Variants in DAOA observed in about 807,000 individuals in gnomAD.
DAOA encodes D-amino acid oxidase regulator.
DAOA carries 15 observed loss-of-function variants against 16.4 expected under a neutral mutation model. The ratio of observed to expected loss-of-function variants is 0.91; its 90% confidence interval spans 0.61 to 1.41. The LOEUF (loss-of-function observed/expected upper bound fraction) is 1.41. Among genes scored for constraint, DAOA ranks in the 40% most tolerant of loss-of-function variants. The pLI, the probability that DAOA is intolerant of heterozygous loss-of-function variation, is 0.00. For synonymous variants in DAOA, 75 were observed against 59.1 expected (o/e 1.27, Z -1.23); for missense variants, 230 against 176.8 (o/e 1.30, Z -1.71).
chr13:105,490,131 T>A lies in DAOA; in HGVS notation c.*50T>A, dbSNP rs764939690. On this transcript the variant is annotated 3_prime_UTR_variant, in exon 5 of 6. Coordinates refer to ENST00000375936, the MANE Select transcript of DAOA (RefSeq NM_172370.5). ...CAATCCTTCTGATGACAATGTAGTCTGGCCAACATCTTCACTGGACTCTGA... is the reference window on the plus strand; with the variant it reads ...CAATCCTTCTGATGACAATGTAGTCAGGCCAACATCTTCACTGGACTCTGA... 1 of 1,516,984 alleles carries A rather than the reference T, an allele frequency of 6.6e-7. No individual in the cohort carries two copies. The highest frequency in any genetic ancestry group is 1.3e-5 in the South Asian group (1 of 79,320). 94.0% of individuals were successfully genotyped at this position (1,516,984 alleles called of 1,614,324 possible). A position where few individuals can be genotyped will look rare whatever the true frequency, so the allele number is the denominator to read the frequency against.
chr13:105,482,583 C>G (rs1183533653), intron 4 of DAOA, among the ~76,000 whole-genome samples: 1 of 151,046 alleles, frequency 6.6e-6, no homozygotes, highest in Non-Finnish European at 1.5e-5. Context: ...GATCACGGCT[C>G]ACTGCAACCT....
chr13:105,488,302 C>T (rs1241981593), intron 4 of DAOA, among the ~76,000 whole-genome samples: 7 of 152,150 alleles, frequency 4.6e-5, no homozygotes, highest in Admixed American at 4.6e-4. Context: ...AAGGAAATAA[C>T]ACAGTATCTA....
intron 4 of DAOA, chr13:105,475,093 C>A: frequency 1.0e-6 from 1 of 952,784 alleles, no homozygotes; most frequent in Non-Finnish European, 1.3e-6. Flanking sequence ...AGCTGCATAC[C>A]CCTAGTGAGA....
chr13:105,480,527 C>CACAG (rs1555306726), intron 4 of DAOA, among the ~76,000 whole-genome samples: 1 of 146,640 alleles, frequency 6.8e-6, no homozygotes, highest in Admixed American at 6.9e-5. Flanking sequence ...TGGATAGATA[C>CACAG]ATAGATAGAT....
In DAOA at chr13:105,466,230, A is replaced by T; in HGVS notation, c.-59A>T. The T allele has an allele frequency of 6.2e-7, 1 of 1,612,082 alleles. No homozygotes were observed. The highest frequency in any genetic ancestry group is 8.5e-7 in the Non-Finnish European group (1 of 1,178,936). On this transcript the variant is annotated 5_prime_UTR_variant, in exon 2 of 6. The change abolishes an upstream ATG in the 5' untranslated region. Transcript: ENST00000375936. Reference sequence around the variant, plus strand: ...TGTTGGTCCAGGATTTGGAAAGGGCATGGCAGGAGGTCTCATCTCTGCTTC... The same window carrying T: ...TGTTGGTCCAGGATTTGGAAAGGGCTTGGCAGGAGGTCTCATCTCTGCTTC...
At chr13:105,471,468 T>C (rs1876951368) in intron 3 of DAOA, among the ~76,000 whole-genome samples, 1 of 152,198 alleles carries the variant, frequency 6.6e-6, no homozygotes. Context: ...TGTTCATCCT[T>C]TCATATAAAA....
At chr13:105,484,291 T>C (rs1410114058) in intron 4 of DAOA, among the ~76,000 whole-genome samples, 1 of 152,256 alleles carries the variant, frequency 6.6e-6, no homozygotes, top group East Asian at 1.9e-4. Flanking sequence ...TTTGTTCTTT[T>C]AGAAAAGTGT....
At chr13:105,480,527 C>CATAGATAG (rs59797400) in intron 4 of DAOA, among the ~76,000 whole-genome samples, 4,896 of 146,718 alleles carry the variant, frequency 0.033, 84 homozygotes, top group Admixed American at 0.055. Context: ...TGGATAGATA[C>CATAGATAG]ATAGATAGAT....
chr13:105,469,751 G>C (rs1414289917), intron 3 of DAOA, among the ~76,000 whole-genome samples: 1 of 152,104 alleles, frequency 6.6e-6, no homozygotes, highest in African/African-American at 2.4e-5. Flanking sequence ...TCAAGAAAAA[G>C]AAAATGGTAT....
intron 4 of DAOA, among the ~76,000 whole-genome samples, chr13:105,473,736 G>A (rs540356482): frequency 6.6e-6 from 1 of 152,210 alleles, no homozygotes; most frequent in Non-Finnish European, 1.5e-5. Context: ...TGTCTATAAA[G>A]TAGTAGAGGC....
chr13:105,470,232 T>C (rs536410200), intron 3 of DAOA, among the ~76,000 whole-genome samples: 1 of 152,190 alleles, frequency 6.6e-6, no homozygotes, highest in South Asian at 2.1e-4. Flanking sequence ...TAATTTCTAA[T>C]ATATAGCAGC....
At position 105,467,392 on chromosome 13, in the gene DAOA, C is replaced by A. The variant is rs115184003; in HGVS notation, c.133+251C>A. 3.8e-3 allele frequency among the ~76,000 whole-genome samples: 575 copies of A among 152,178 alleles called. 3 individuals carry two copies. The highest frequency in any genetic ancestry group is 0.013 in the African/African-American group (552 of 41,498). On this transcript the variant is annotated intron_variant, in intron 3 of 5. Coordinates refer to ENST00000375936, the MANE Select transcript of DAOA (RefSeq NM_172370.5). ...ATATAACTTATGAAGAGATCGATATCTCTTTTTATAAAGCAAACAAGTAAA... is the reference window on the plus strand; with the variant it reads ...ATATAACTTATGAAGAGATCGATATATCTTTTTATAAAGCAAACAAGTAAA...
chr13:105,479,604 T>C (rs1406763054), intron 4 of DAOA, among the ~76,000 whole-genome samples: 1 of 152,182 alleles, frequency 6.6e-6, no homozygotes, highest in African/African-American at 2.4e-5. Flanking sequence ...TGTCTTCACA[T>C]GGTCACCATT....
At chr13:105,468,021 T>A (rs1367858852) in intron 3 of DAOA, among the ~76,000 whole-genome samples, 1 of 152,176 alleles carries the variant, frequency 6.6e-6, no homozygotes, top group Non-Finnish European at 1.5e-5. Context: ...CTGCCCCAGC[T>A]TCTGGAGGCC....
chr13:105,472,889 T>G (rs1249649267), intron 4 of DAOA, among the ~76,000 whole-genome samples: 1 of 152,212 alleles, frequency 6.6e-6, no homozygotes, highest in African/African-American at 2.4e-5. Context: ...TTCACATTTT[T>G]TCATGCAGTA....
chr13:105,472,716 C>G, intron 4 of DAOA, 31 bp downstream of exon 4: 1 of 1,576,214 alleles, frequency 6.3e-7, no homozygotes. Flanking sequence ...AAACTTTTAA[C>G]CAGGAGAAAG....
In DAOA at chr13:105,472,622, C is replaced by A. The variant is rs1877044373; in HGVS notation, c.218C>A (p.Ala73Glu). Reference sequence around the variant, plus strand: ...CATGAGGACGGCTATTTGGAAATGGCACAGAGGCATTTACAGAGATCATTA... The same window carrying A: ...CATGAGGACGGCTATTTGGAAATGGAACAGAGGCATTTACAGAGATCATTA... ...RRHEDGYLEM[A>E]QRHLQRSLCP... is the part of the protein sequence containing the mutation. The change falls in exon 4 of 6, where the codon GCA becomes GAA. Residue 73 changes from alanine to glutamate, a missense_variant. Transcript: ENST00000375936. The A allele has an allele frequency of 2.5e-6, 4 of 1,614,040 alleles. No homozygotes were observed. In the East Asian group the frequency reaches 8.9e-5, roughly 36 times the overall value.
intron 4 of DAOA, among the ~76,000 whole-genome samples, chr13:105,476,113 C>T (rs538085139): frequency 2.6e-5 from 4 of 152,036 alleles, no homozygotes; most frequent in Non-Finnish European, 5.9e-5. Context: ...TAATTCTCCA[C>T]ATTAATATAT....
chr13:105,484,602 A>G (rs1187182200), intron 4 of DAOA, among the ~76,000 whole-genome samples: 1 of 152,178 alleles, frequency 6.6e-6, no homozygotes, highest in Non-Finnish European at 1.5e-5. Context: ...TTAAAATTCA[A>G]TTACATATTG....
Sources: allele counts gnomAD v4.1 joint callset (sites outside exome capture counted in the v4.1 genomes callset), GRCh38; gene constraint gnomAD v4.1.1; transcripts MANE v1.5; gene names NCBI Gene and HGNC (gene_info 2026-07-23, HGNC 2026-07-21).